Variants in RBFOX1 observed in about 807,000 individuals in gnomAD.
RBFOX1 encodes RNA binding fox-1 homolog 1.
In RBFOX1, 8 loss-of-function variants were observed where a neutral mutation model predicts 57.7. The ratio of observed to expected loss-of-function variants is 0.14; its 90% CI spans 0.08 to 0.25. The LOEUF (loss-of-function observed/expected upper bound fraction) is 0.25. Among genes scored for constraint, RBFOX1 ranks in the 10% least tolerant of loss-of-function variants. The probability of loss-of-function intolerance (pLI) is 1.00; values close to 1 mark genes in which losing one functional copy is unlikely to be tolerated. For missense variants in RBFOX1, 611 were observed against 548.5 expected, an observed-to-expected ratio of 1.11 and a Z score of -1.14; for synonymous variants, 326 against 222.4, an observed-to-expected ratio of 1.47 and a Z score of -4.15.
chr16:7,087,896 T>TTC (rs145360066), intron 4 of RBFOX1, among the ~76,000 whole-genome samples: 71 of 151,542 alleles, frequency 4.7e-4, no homozygotes, highest in Non-Finnish European at 7.5e-4. Context: ...CTCTTTCTCT[T>TTC]TCTCTCTCTC....
At chr16:6,488,954 T>G (rs948772890) in intron 2 of RBFOX1, among the ~76,000 whole-genome samples, 6 of 152,154 alleles carry the variant, frequency 3.9e-5, no homozygotes, top group Admixed American at 6.5e-5. Context: ...TATTAAACAT[T>G]TAAAATCTCT....
chr16:6,787,202 G>T (rs896181829), intron 3 of RBFOX1, among the ~76,000 whole-genome samples: 2 of 152,090 alleles, frequency 1.3e-5, no homozygotes, highest in Non-Finnish European at 1.5e-5. Flanking sequence ...GGCACGCTTG[G>T]ACAGAAATAA....
At chr16:6,362,982 C>G (rs980220701) in intron 2 of RBFOX1, among the ~76,000 whole-genome samples, 1 of 152,202 alleles carries the variant, frequency 6.6e-6, no homozygotes, top group Non-Finnish European at 1.5e-5. Context: ...GGAACCACCT[C>G]CCTTGGGCTG....
At chr16:5,597,917 C>G (rs1044485257) in intron 2 of RBFOX1, among the ~76,000 whole-genome samples, 1 of 152,188 alleles carries the variant, frequency 6.6e-6, no homozygotes, top group African/African-American at 2.4e-5. Flanking sequence ...GTCAGCCTCT[C>G]TTTTGCTTCT....
rs565246693 is a variant in RBFOX1 at position 5,606,610 on chromosome 16, A to G, written c.318+7649A>G. ...GAATAAGACTCAAACCGTGCCCTCA[A>G]AGCGCTTGCAGTCTGTGAGGAGGAC... On this transcript the variant is annotated intron_variant, in intron 3 of 19. Transcript: ENST00000641259. Among the ~76,000 whole-genome samples, 17 of 152,262 alleles carry G rather than the reference A, an allele frequency of 1.1e-4. No individual in the cohort carries two copies. In the East Asian group the frequency reaches 2.5e-3, roughly 23 times the overall value.
At chr16:5,555,432 G>A (rs149601009) in intron 2 of RBFOX1, among the ~76,000 whole-genome samples, 1 of 151,500 alleles carries the variant, frequency 6.6e-6, no homozygotes, top group African/African-American at 2.4e-5. Flanking sequence ...TGTATTTTTA[G>A]TACAGACGCG....
At chr16:5,918,989 G>A (rs912488905) in intron 4 of RBFOX1, among the ~76,000 whole-genome samples, 4 of 152,192 alleles carry the variant, frequency 2.6e-5, no homozygotes. Context: ...AGGCGCAGTG[G>A]AGCCTGGGGC....
At chr16:5,381,616 C>G (rs1274204644) in intron 1 of RBFOX1, among the ~76,000 whole-genome samples, 1 of 152,238 alleles carries the variant, frequency 6.6e-6, no homozygotes, top group Non-Finnish European at 1.5e-5. Context: ...CTTAGCTGTG[C>G]TAACTCCCCC....
intron 1 of RBFOX1, among the ~76,000 whole-genome samples, chr16:5,248,174 T>A (rs2333763): frequency 6.6e-6 from 1 of 152,160 alleles, no homozygotes; most frequent in Non-Finnish European, 1.5e-5. Context: ...GGAAGGGAGA[T>A]AAAAGAATGG....
intron 4 of RBFOX1, among the ~76,000 whole-genome samples, chr16:5,938,190 T>G (rs983492804): frequency 2.0e-5 from 3 of 152,202 alleles, no homozygotes; most frequent in African/African-American, 7.2e-5. Context: ...TCTGGAATAT[T>G]CTACCTATCT....
chr16:6,277,891 T>G (rs2075994025), intron 1 of RBFOX1, among the ~76,000 whole-genome samples: 2 of 152,086 alleles, frequency 1.3e-5, no homozygotes, highest in South Asian at 4.2e-4. Flanking sequence ...GTAAAGCCCT[T>G]GAAGAAATAC....
At chr16:5,664,325 A>G (rs1243156525) in intron 3 of RBFOX1, among the ~76,000 whole-genome samples, 1 of 152,164 alleles carries the variant, frequency 6.6e-6, no homozygotes, top group Non-Finnish European at 1.5e-5. Flanking sequence ...TGAGGTGGGC[A>G]GATCACGAGG....
chr16:7,342,361 C>A (rs1204244776), intron 4 of RBFOX1, among the ~76,000 whole-genome samples: 1 of 152,154 alleles, frequency 6.6e-6, no homozygotes, highest in African/African-American at 2.4e-5. Flanking sequence ...GGCATCCTGG[C>A]TCCTGTGTGA....
At chr16:6,652,123 T>C (rs1404017253) in intron 2 of RBFOX1, among the ~76,000 whole-genome samples, 1 of 151,986 alleles carries the variant, frequency 6.6e-6, no homozygotes, top group Non-Finnish European at 1.5e-5. Context: ...GTCATAAGGG[T>C]GGGGTCTTAA....
intron 4 of RBFOX1, among the ~76,000 whole-genome samples, chr16:7,434,242 C>T (rs901751659): frequency 6.6e-6 from 1 of 152,068 alleles, no homozygotes; most frequent in African/African-American, 2.4e-5. Context: ...GACGCCAAGG[C>T]AGGCAGATCA....
intron 2 of RBFOX1, among the ~76,000 whole-genome samples, chr16:6,599,299 C>A (rs28408184): frequency 0.12 from 17,627 of 152,094 alleles, 1,313 homozygotes; most frequent in East Asian, 0.32. Flanking sequence ...TCTCTGAATC[C>A]ATTTTAAATT....
At chr16:7,403,135 A>G (rs547844222) in intron 4 of RBFOX1, among the ~76,000 whole-genome samples, 1 of 152,174 alleles carries the variant, frequency 6.6e-6, no homozygotes, top group Non-Finnish European at 1.5e-5. Flanking sequence ...TGTACATTTA[A>G]GGTATACCAT....
intron 4 of RBFOX1, among the ~76,000 whole-genome samples, chr16:7,213,523 G>A (rs768177057): frequency 6.6e-6 from 1 of 151,120 alleles, no homozygotes; most frequent in Non-Finnish European, 1.5e-5. Flanking sequence ...GTGGTGCATG[G>A]CTTTTCCTAA....
chr16:7,554,661 T>G (rs192787038), intron 5 of RBFOX1, among the ~76,000 whole-genome samples: 1 of 152,048 alleles, frequency 6.6e-6, no homozygotes, highest in Non-Finnish European at 1.5e-5. Flanking sequence ...TTTTTTTTTT[T>G]AATTTTTTTA....
Sources: gnomAD v4.1 joint callset for allele counts (sites outside exome capture counted in the v4.1 genomes callset) on GRCh38, gnomAD v4.1.1 for gene constraint, MANE v1.5 for transcripts, NCBI Gene and HGNC (gene_info 2026-07-23, HGNC 2026-07-21) for gene names.